Variants in MICAL1 observed in about 807,000 individuals in gnomAD.
The protein encoded by MICAL1 is [F-actin]-monooxygenase MICAL1.
Under a neutral mutation model 131.8 loss-of-function variants are expected in MICAL1, and 95 were observed. The ratio of observed to expected loss-of-function variants is 0.72; its 90% confidence interval spans 0.61 to 0.86. The LOEUF is 0.86. Among genes scored for constraint, MICAL1 ranks in the 40% least tolerant of loss-of-function variants. The pLI, the probability that MICAL1 is intolerant of heterozygous loss-of-function variation, is 0.00. For missense variants in MICAL1, 1,292 were observed against 1,380.6 expected (o/e 0.94, Z 1.02); for synonymous variants, 546 against 554.2 (o/e 0.99, Z 0.21).
At position 109,449,883 on chromosome 6, in the gene MICAL1, C is replaced by A. The variant is rs529486702; in HGVS notation, c.1307+87G>T. Reference sequence around the variant, plus strand: ...AGGCCTTTTCTTCTGCCTATTCCTCCGTCTATTCACTCAGCACCCCTGCCC... The same window carrying A: ...AGGCCTTTTCTTCTGCCTATTCCTCAGTCTATTCACTCAGCACCCCTGCCC... On this transcript the variant is annotated intron_variant, in intron 9 of 24. Coordinates refer to ENST00000358807, the MANE Select transcript of MICAL1 (RefSeq NM_022765.4). 7.0e-5 allele frequency: 111 copies of A among 1,585,010 alleles called. No individual in the cohort carries two copies. The South Asian group carries it at 1.1e-3, about 16-fold the overall frequency.
At chr6:109,445,045 C>A (rs750421287) in intron 22 of MICAL1, 50 bp from the exon 23 acceptor site, 2 of 1,599,400 alleles carry the variant, frequency 1.3e-6, no homozygotes, top group Non-Finnish European at 1.7e-6. Context: ...CCAGCCAGCA[C>A]CACAGGAGTT....
chr6:109,452,907 A>G (rs1458511127), intron 4 of MICAL1, among the ~76,000 whole-genome samples: 1 of 152,184 alleles, frequency 6.6e-6, no homozygotes, highest in African/African-American at 2.4e-5. Flanking sequence ...CTGTAATCCC[A>G]GCACTTTGGG....
chr6:109,452,401 C>T lies in MICAL1; in HGVS notation c.677G>A (p.Gly226Asp), dbSNP rs1562292621. Residue 226 changes from glycine to aspartate, a missense_variant and splice_region_variant, in exon 6 of 25, where the codon GGC (glycine) becomes GAC (aspartate). Coordinates refer to ENST00000358807, the MANE Select transcript of MICAL1 (RefSeq NM_022765.4). The part of the protein sequence containing the change: ...SAAGGKFVPE[G>D]FKVREMRGKL... Reference sequence around the variant, plus strand: ...GCCTCGCATTTCTCGAACTTTGAAGCCTAGAGGTGGCGGTAGGTGAACAAT... The same window carrying T: ...GCCTCGCATTTCTCGAACTTTGAAGTCTAGAGGTGGCGGTAGGTGAACAAT... 1 of 1,613,728 alleles carries T rather than the reference C, an allele frequency of 6.2e-7. No homozygotes were observed. Among genetic ancestry groups the T allele is most frequent in the East Asian group, 2.2e-5 (1 of 44,868 alleles).
chr6:109,449,304 CTCCTGTCCTGAGGCTG>C (rs1386454827), intron 11 of MICAL1, 80 bp downstream of exon 11: 2 of 1,336,978 alleles, frequency 1.5e-6, no homozygotes, highest in Non-Finnish European at 2.2e-6. Context: ...CGGCACGCTG[CTCCTGTCCTGAGGCTG>C]CAGCTGCTTT....
intron 1 of MICAL1, among the ~76,000 whole-genome samples, chr6:109,462,101 T>A (rs898556894): frequency 6.6e-6 from 1 of 152,208 alleles, no homozygotes; most frequent in African/African-American, 2.4e-5. Flanking sequence ...ATACCCAGCA[T>A]CTCAGAATGG....
chr6:109,447,376 G>A lies in MICAL1; in HGVS notation c.2051C>T (p.Pro684Leu), dbSNP rs747240209. The change falls in exon 16 of 25, where the codon CCC (proline) becomes CTC (leucine). Residue 684 changes from proline (P) to leucine (L), a missense_variant. Transcript: ENST00000358807. ...TCTCACCTCCTGGTGTTGGGATGGG[G>A]GTGTCAGGGGTACACCAGGCTCTGG... ...PDPEPGVPLT[P>L]PSQHQEAGAG... is the part of the protein sequence containing the mutation. The A allele has an allele frequency of 5.0e-6, 8 of 1,613,828 alleles. No homozygotes were observed. In the South Asian group the frequency reaches 8.8e-5, roughly 18 times the overall value.
chr6:109,446,121 G>A lies in MICAL1; in HGVS notation c.2581+15C>T. On this transcript the variant is annotated intron_variant, in intron 19 of 24. Coordinates refer to ENST00000358807, the MANE Select transcript of MICAL1 (RefSeq NM_022765.4). ...TGTCCCACCCTGGGTCAGCACATCT[G>A]TGAGGATGGGTTACCTTGAGGGCTC... The A allele has an allele frequency of 6.5e-7, 1 of 1,532,678 alleles. No homozygotes were observed. Among genetic ancestry groups the A allele is most frequent in the Middle Eastern group, 1.9e-4 (1 of 5,374 alleles). 94.9% of individuals were successfully genotyped at this position (1,532,678 alleles called of 1,614,324 possible).
Position 109,447,453 on chromosome 6 carries a change from G to A in MICAL1, c.1987-13C>T. 1.9e-6 allele frequency: 3 copies of A among 1,608,810 alleles called. No individual in the cohort carries two copies. The highest frequency in any genetic ancestry group is 2.5e-6 in the Non-Finnish European group (3 of 1,177,222). On this transcript the variant is annotated splice_polypyrimidine_tract_variant and intron_variant, in intron 15 of 24. Coordinates refer to ENST00000358807, the MANE Select transcript of MICAL1 (RefSeq NM_022765.4). ...TCTCGGCCTCCATCTAAGGAGGTAA[G>A]TGCTCAGGCAGGGAGGGTAGAGGGG...
In MICAL1 at chr6:109,452,356, G is replaced by A; in HGVS notation, c.722C>T (p.Thr241Ile). 2 of 1,614,236 alleles carry A rather than the reference G, an allele frequency of 1.2e-6. No individual in the cohort carries two copies. Among genetic ancestry groups the A allele is most frequent in the Admixed American group, 1.7e-5 (1 of 60,036 alleles). ...GGTGCGTCCATTCACAAAGTTGGCT[G>A]TGATGCCAATGGCCAGTTTGCCTCG... is the stretch of plus-strand genomic sequence containing the variant. ...EMRGKLAIGITANFVNGRTVE... is the reference protein window; with the variant it reads ...EMRGKLAIGIIANFVNGRTVE... The change falls in exon 6 of 25, where the codon ACA (threonine) becomes ATA (isoleucine). Residue 241 changes from threonine (T) to isoleucine (I), a missense_variant. Transcript: ENST00000358807.
exon 1 of MICAL1, chr6:109,465,840 G>A (rs1006638909): frequency 1.5e-5 from 25 of 1,614,070 alleles, no homozygotes; most frequent in East Asian, 4.5e-5. Context: ...GCAGTCAAAC[G>A]TGTTTACAGG....
In MICAL1 at chr6:109,452,381, G is replaced by A. The variant is rs375429113; in HGVS notation, c.697C>T (p.Arg233Ter). Residue 233 changes from arginine to a stop codon, truncating the protein, a stop_gained, in exon 6 of 25, where the codon CGA (arginine) becomes TGA (stop). Transcript: ENST00000358807. LOFTEE classifies it high-confidence loss of function. Reference sequence around the variant, plus strand: ...GTGATGCCAATGGCCAGTTTGCCTCGCATTTCTCGAACTTTGAAGCCTAGA... The same window carrying A: ...GTGATGCCAATGGCCAGTTTGCCTCACATTTCTCGAACTTTGAAGCCTAGA... Reference protein sequence around the residue: ...VPEGFKVREMRGKLAIGITAN... With the variant: ...VPEGFKVREM The A allele has an allele frequency of 1.9e-5, 30 of 1,614,116 alleles. No individual in the cohort carries two copies. The highest frequency in any genetic ancestry group is 2.4e-5 in the Non-Finnish European group (28 of 1,179,988).
At chr6:109,461,606 C>A (rs2115348690) in intron 1 of MICAL1, among the ~76,000 whole-genome samples, 1 of 152,052 alleles carries the variant, frequency 6.6e-6, no homozygotes, top group African/African-American at 2.4e-5. Context: ...TGCTATAATT[C>A]CAGACATAGA....
At chr6:109,457,230 C>T (rs1020173054), upstream of MICAL1, among the ~76,000 whole-genome samples, 7 of 152,204 alleles carry the variant, frequency 4.6e-5, no homozygotes, top group Non-Finnish European at 7.3e-5. Context: ...AGCCAGGTCA[C>T]GCTCAGAAAA....
At position 109,447,967 on chromosome 6, in the gene MICAL1, C is replaced by A. The variant is rs775654959; in HGVS notation, c.1856-4G>T. 4 of 1,601,268 alleles carry A rather than the reference C, an allele frequency of 2.5e-6. No homozygotes were observed. Among genetic ancestry groups the A allele is most frequent in the Admixed American group, 1.7e-5 (1 of 58,672 alleles). ...GGGGAGGCCTGGCTGACAGGGCCTGCGGGGAGAGCCAGGGCATCAGTGTGG... is the reference window on the plus strand; with the variant it reads ...GGGGAGGCCTGGCTGACAGGGCCTGAGGGGAGAGCCAGGGCATCAGTGTGG... On this transcript the variant is annotated splice_polypyrimidine_tract_variant and splice_region_variant and intron_variant, in intron 13 of 24. Transcript: ENST00000358807.
rs1775292993 is a variant in MICAL1 at position 109,447,624 on chromosome 6, C to T, written c.1986+57G>A. On this transcript the variant is annotated intron_variant, in intron 15 of 24. Coordinates refer to ENST00000358807, the MANE Select transcript of MICAL1 (RefSeq NM_022765.4). ...GGGATGAGAAATAGGGAAGACAGTA[C>T]CAGGAAAGGGGATAAAATGTGGGGT... is the stretch of plus-strand genomic sequence containing the variant. 8.7e-6 allele frequency: 14 copies of T among 1,611,080 alleles called. No homozygotes were observed. The Admixed American group carries it at 2.3e-4, about 27-fold the overall frequency.
chr6:109,448,326 T>A lies in MICAL1; in HGVS notation c.1732A>T (p.Asn578Tyr), dbSNP rs774908820. 1 of 1,614,016 alleles carries A rather than the reference T, an allele frequency of 6.2e-7. No homozygotes were observed. The highest frequency in any genetic ancestry group is 1.1e-5 in the South Asian group (1 of 91,080). Residue 578 changes from asparagine (N) to tyrosine (Y), a missense_variant, in exon 13 of 25, where the codon AAT becomes TAT. Physicochemically the swap from Asn to Tyr is moderately radical, Grantham distance 143. Transcript: ENST00000358807. Reference protein sequence around the residue: ...ATAWALKVAENELGITPVVSA... With the variant: ...ATAWALKVAEYELGITPVVSA... Reference sequence around the variant, plus strand: ...ACCACCGGTGTGATGCCCAGCTCATTCTCTGCCACCTTTAGTGCCCAAGCA... The same window carrying A: ...ACCACCGGTGTGATGCCCAGCTCATACTCTGCCACCTTTAGTGCCCAAGCA...
At position 109,444,728 on chromosome 6, in the gene MICAL1, C is replaced by G; in HGVS notation, c.3052G>C (p.Glu1018Gln). 1.9e-6 allele frequency: 3 copies of G among 1,614,134 alleles called. No homozygotes were observed. Among genetic ancestry groups the G allele is most frequent in the Non-Finnish European group, 1.7e-6 (2 of 1,180,026 alleles). The change falls in exon 24 of 25, where the codon GAA (glutamate) becomes CAA (glutamine). Residue 1018 changes from glutamate (E) to glutamine (Q), a missense_variant. Physicochemically the swap from Glu to Gln is conservative, Grantham distance 29. Coordinates refer to ENST00000358807, the MANE Select transcript of MICAL1 (RefSeq NM_022765.4). ...DQELRGYMNR[E>Q]ENLKTAADRQ... Reference sequence around the variant, plus strand: ...CTTCTCCCCACATTTCACCTACCTTCCCGGTTCATGTAGCCTCGTAGCTCC... The same window carrying G: ...CTTCTCCCCACATTTCACCTACCTTGCCGGTTCATGTAGCCTCGTAGCTCC...
At position 109,452,366 on chromosome 6, in the gene MICAL1, T is replaced by C. The variant is rs145716564; in HGVS notation, c.712A>G (p.Ile238Val). The C allele has an allele frequency of 7.3e-5, 118 of 1,614,086 alleles. No individual in the cohort carries two copies. The highest frequency in any genetic ancestry group is 3.5e-5 in the Non-Finnish European group (41 of 1,180,034). The stretch of plus-strand genomic sequence containing the variant: ...TTCACAAAGTTGGCTGTGATGCCAA[T>C]GGCCAGTTTGCCTCGCATTTCTCGA... ...KVREMRGKLA[I>V]GITANFVNGR... is the part of the protein sequence containing the mutation. The change falls in exon 6 of 25, where the codon ATT becomes GTT. Residue 238 changes from isoleucine (I) to valine (V), a missense_variant. Transcript: ENST00000358807.
rs908711034 is a variant in MICAL1, at chr6:109,454,085, C to G, written c.112G>C (p.Gly38Arg). The stretch of plus-strand genomic sequence containing the variant: ...GGCAGCCCCCCACCGGGTTCCAGCC[C>G]CAGGGCCCCACACAGCTCCTGGAAG... Reference protein sequence around the residue: ...SSFQELCGALGLEPGGGLPQY... With the variant: ...SSFQELCGALRLEPGGGLPQY... The change falls in exon 2 of 25, where the codon GGG (glycine) becomes CGG (arginine). Residue 38 changes from glycine to arginine, a missense_variant. Gly to Arg is a moderately radical substitution (Grantham distance 125). Transcript: ENST00000358807. The G allele has an allele frequency of 2.5e-6, 4 of 1,613,948 alleles. No individual in the cohort carries two copies. Among genetic ancestry groups the G allele is most frequent in the Non-Finnish European group, 3.4e-6 (4 of 1,179,984 alleles).
Sources: gnomAD v4.1 joint callset for allele counts (sites outside exome capture counted in the v4.1 genomes callset) on GRCh38, gnomAD v4.1.1 for gene constraint, MANE v1.5 for transcripts, NCBI Gene and HGNC (gene_info 2026-07-23, HGNC 2026-07-21) for gene names.